CYTH3: variants seen among roughly 807,000 people sequenced by gnomAD.
CYTH3 encodes the protein cytohesin-3.
In CYTH3, 23 loss-of-function variants were observed where a neutral mutation model predicts 55.1. The ratio of observed to expected loss-of-function variants is 0.42; its 90% CI spans 0.30 to 0.59. The LOEUF is 0.59. CYTH3 is among the 20% of genes least tolerant of loss of function. The probability of loss-of-function intolerance (pLI) is 0.20; values close to 1 mark genes in which losing one functional copy is unlikely to be tolerated. For synonymous variants in CYTH3, 249 were observed against 194.9 expected (o/e 1.28, Z -2.31); for missense variants, 413 against 524.8 (o/e 0.79, Z 2.08).
At chr7:6,213,831 A>G (rs531264967) in intron 1 of CYTH3, among the ~76,000 whole-genome samples, 8 of 152,146 alleles carry the variant, frequency 5.3e-5, no homozygotes, top group African/African-American at 1.9e-4. Context: ...CCAGCCCAGA[A>G]GACAGCCCAT....
intron 1 of CYTH3, among the ~76,000 whole-genome samples, chr7:6,200,060 C>T (rs1183995909): frequency 6.6e-6 from 1 of 152,144 alleles, no homozygotes; most frequent in Non-Finnish European, 1.5e-5. Flanking sequence ...AAGATGTATG[C>T]TTAATTTCAG....
chr7:6,178,260 A>G (rs1379218446), intron 4 of CYTH3, among the ~76,000 whole-genome samples: 1 of 152,250 alleles, frequency 6.6e-6, no homozygotes, highest in East Asian at 1.9e-4. Flanking sequence ...CCAAGCTTAG[A>G]AAGATAGTTT....
chr7:6,229,350 G>T (rs920427982), intron 1 of CYTH3, among the ~76,000 whole-genome samples: 1 of 152,130 alleles, frequency 6.6e-6, no homozygotes. Context: ...TATCAGGTGT[G>T]CTCATTTTCC....
intron 10 of CYTH3, 39 bp from the exon 11 acceptor site, chr7:6,165,655 C>A (rs1241109896): frequency 6.2e-7 from 1 of 1,612,840 alleles, no homozygotes; most frequent in Non-Finnish European, 8.5e-7. Flanking sequence ...CACTGTGGGT[C>A]ACCAGCCTGA....
chr7:6,194,820 C>T, intron 1 of CYTH3, among the ~76,000 whole-genome samples: 1 of 151,938 alleles, frequency 6.6e-6, no homozygotes, highest in East Asian at 1.9e-4. Context: ...ACTAAAAATA[C>T]AAAAATTAGC....
In CYTH3 at chr7:6,244,913, C is replaced by A. The variant is rs1057187894; in HGVS notation, c.34+27561G>T. On this transcript the variant is annotated intron_variant, in intron 1 of 12. Coordinates refer to ENST00000350796, the MANE Select transcript of CYTH3 (RefSeq NM_004227.4). ...ACGCCATTCTCCTGCCTCAGCCTCC[C>A]GAGTAGCTGGGACTACAGTCACCCG... Among the ~76,000 whole-genome samples the A allele has an allele frequency of 1.0e-4, 15 of 147,304 alleles. No homozygotes were observed. The East Asian group carries it at 2.8e-3, about 27-fold the overall frequency.
chr7:6,185,542 T>C (rs1326948044), intron 4 of CYTH3, among the ~76,000 whole-genome samples: 1 of 150,878 alleles, frequency 6.6e-6, no homozygotes, highest in Non-Finnish European at 1.5e-5. Context: ...TAAAAAAAAA[T>C]ACAAAAAATT....
chr7:6,211,797 G>C (rs1346933068), intron 1 of CYTH3, among the ~76,000 whole-genome samples: 1 of 151,986 alleles, frequency 6.6e-6, no homozygotes, highest in Non-Finnish European at 1.5e-5. Flanking sequence ...CAGAGTTTGA[G>C]ACAAGCCTGG....
intron 3 of CYTH3, 118 bp downstream of exon 3, chr7:6,187,535 TAACA>T: frequency 1.1e-6 from 1 of 870,950 alleles, no homozygotes. Flanking sequence ...GGAGAGGAAT[TAACA>T]ACTCCACAGG....
chr7:6,166,716 C>T (rs1562873325), intron 9 of CYTH3, among the ~76,000 whole-genome samples: 1 of 152,148 alleles, frequency 6.6e-6, no homozygotes. Flanking sequence ...GGAAGCCTGG[C>T]TCAGCGGAAC....
At chr7:6,179,687 CCCCCA>C (rs1783434936) in intron 4 of CYTH3, among the ~76,000 whole-genome samples, 2 of 90,766 alleles carry the variant, frequency 2.2e-5, no homozygotes, top group Non-Finnish European at 2.1e-5. Flanking sequence ...CACACACACC[CCCCCA>C]CACACACACC....
intron 4 of CYTH3, among the ~76,000 whole-genome samples, chr7:6,179,633 A>C: frequency 1.1e-5 from 1 of 94,294 alleles, no homozygotes; most frequent in South Asian, 4.0e-4. Flanking sequence ...CCCCCCACAT[A>C]CACCTCACAC....
At chr7:6,180,614 G>C (rs1199709498) in intron 4 of CYTH3, among the ~76,000 whole-genome samples, 1 of 152,210 alleles carries the variant, frequency 6.6e-6, no homozygotes, top group Non-Finnish European at 1.5e-5. Context: ...GATTTCTCTT[G>C]TTTTAAACCA....
chr7:6,237,786 A>T (rs1408793553), intron 1 of CYTH3, among the ~76,000 whole-genome samples: 1 of 152,198 alleles, frequency 6.6e-6, no homozygotes, highest in South Asian at 2.1e-4. Context: ...GGTTCCACGT[A>T]TATGTCCAAG....
chr7:6,178,127 C>A (rs546109277), intron 4 of CYTH3, among the ~76,000 whole-genome samples, 186 bp from the exon 5 acceptor site: 6 of 152,202 alleles, frequency 3.9e-5, no homozygotes, highest in African/African-American at 1.4e-4. Flanking sequence ...ACCAAAGAAA[C>A]GCACGTTCAT....
chr7:6,172,338 G>A lies in CYTH3; in HGVS notation c.450-1024C>T, dbSNP rs563397. ...CTCTCTACCAGGCCCCTTCTTCTCC[G>A]CCAGGCCTGCACCAGCAGCCTTCAG... On this transcript the variant is annotated intron_variant, in intron 6 of 12. Transcript: ENST00000350796. Among the ~76,000 whole-genome samples the A allele has an allele frequency of 6.2e-3, 945 of 151,768 alleles. 8 individuals carry two copies. Among genetic ancestry groups the A allele is most frequent in the African/African-American group, 0.022 (894 of 41,352 alleles).
intron 1 of CYTH3, among the ~76,000 whole-genome samples, chr7:6,223,139 G>A (rs538159534): frequency 7.4e-4 from 112 of 152,130 alleles, no homozygotes; most frequent in African/African-American, 2.6e-3. Context: ...GGCGAGGAGC[G>A]CCTCTGCCCG....
intron 1 of CYTH3, among the ~76,000 whole-genome samples, chr7:6,249,087 A>G (rs1249368319): frequency 3.9e-5 from 6 of 152,022 alleles, no homozygotes; most frequent in Non-Finnish European, 7.4e-5. Context: ...CTGTTTGTAC[A>G]CATTTAAAAA....
At chr7:6,180,179 CCT>C (rs1783470709) in intron 4 of CYTH3, among the ~76,000 whole-genome samples, 1 of 152,152 alleles carries the variant, frequency 6.6e-6, no homozygotes, top group Non-Finnish European at 1.5e-5. Flanking sequence ...GGGCTGGGGG[CCT>C]GACCCTGCAT....
Sources: allele counts gnomAD v4.1 joint callset (sites outside exome capture counted in the v4.1 genomes callset), GRCh38; gene constraint gnomAD v4.1.1; transcripts MANE v1.5; gene names NCBI Gene and HGNC (gene_info 2026-07-23, HGNC 2026-07-21).